DCDC1: variants seen among roughly 807,000 people sequenced by gnomAD.
The protein encoded by DCDC1 is doublecortin domain-containing protein 1.
DCDC1 carries 200 observed loss-of-function variants against 178.3 expected under a neutral mutation model. The ratio of observed to expected loss-of-function variants is 1.12; its 90% CI spans 1.00 to 1.26. DCDC1 has a LOEUF of 1.26. Ranked by LOEUF, DCDC1 falls within the 50% of genes most tolerant of loss-of-function variation. The pLI is 0.00. For synonymous variants in DCDC1, 690 were observed against 604.8 expected (o/e 1.14, Z -2.07); for missense variants, 1,983 against 1,749.2 (o/e 1.13, Z -2.38).
chr11:30,999,570 A>G (rs990999219), intron 20 of DCDC1, among the ~76,000 whole-genome samples: 1 of 152,160 alleles, frequency 6.6e-6, no homozygotes, highest in Non-Finnish European at 1.5e-5. Flanking sequence ...ACGTAATGCC[A>G]GCCTGGAAAT....
At chr11:31,215,205 G>A (rs903702689) in intron 9 of DCDC1, 10 of 251,032 alleles carry the variant, frequency 4.0e-5, no homozygotes, top group African/African-American at 2.3e-4. Context: ...TGAGGCAGGA[G>A]GATCCCTTGA....
chr11:31,324,123 T>C (rs1467134498), intron 3 of DCDC1, among the ~76,000 whole-genome samples: 5 of 152,084 alleles, frequency 3.3e-5, no homozygotes, highest in Non-Finnish European at 7.4e-5. Flanking sequence ...AACTCAATGA[T>C]TGAATAATAA....
intron 9 of DCDC1, among the ~76,000 whole-genome samples, chr11:31,150,095 G>T (rs942651390): frequency 6.6e-6 from 1 of 152,128 alleles, no homozygotes; most frequent in East Asian, 1.9e-4. Context: ...AACAGCTATC[G>T]TTTGTTGATT....
At position 30,894,322 on chromosome 11, in the gene DCDC1, C is replaced by A. The variant is rs376659024; in HGVS notation, c.4828G>T (p.Val1610Leu). The A allele has an allele frequency of 3.1e-6, 5 of 1,613,896 alleles. No individual in the cohort carries two copies. The highest frequency in any genetic ancestry group is 4.2e-6 in the Non-Finnish European group (5 of 1,179,832). ...MVPTKSPVQP[V>L]VVEGGWTEQT... is the part of the protein sequence containing the mutation. ...TCGGTCCAGCCTCCTTCAACCACCA[C>A]GGGCTGCACAGGGCTCTTGGTAGGA... Residue 1610 changes from valine to leucine, a missense_variant, in exon 35 of 39, where the codon GTG (valine) becomes TTG (leucine). Physicochemically the swap from Val to Leu is conservative, Grantham distance 32. Transcript: ENST00000684477.
chr11:31,354,218 G>A lies in DCDC1; in HGVS notation c.-125+15479C>T, dbSNP rs188420140. Among the ~76,000 whole-genome samples the A allele has an allele frequency of 6.9e-3, 1,055 of 152,184 alleles. 38 individuals carry two copies. Among genetic ancestry groups the A allele is most frequent in the Admixed American group, 0.066 (1,004 of 15,284 alleles). On this transcript the variant is annotated intron_variant, in intron 1 of 38. Transcript: ENST00000684477. ...GGAGAATCTCCTGAACCTGGGAGGC[G>A]GAGGTTGCAGTGAGCCGAGATCGCA...
At chr11:31,336,171 TGG>T (rs1565627769) in intron 1 of DCDC1, among the ~76,000 whole-genome samples, 17 of 152,228 alleles carry the variant, frequency 1.1e-4, no homozygotes, top group African/African-American at 3.9e-4. Context: ...AAAGGTAAAT[TGG>T]GAGTATGTGG....
intron 9 of DCDC1, among the ~76,000 whole-genome samples, chr11:31,219,043 C>T (rs1047736481): frequency 6.6e-6 from 1 of 151,988 alleles, no homozygotes; most frequent in African/African-American, 2.4e-5. Context: ...CCTGGAAGAA[C>T]GGAGCTCCGA....
chr11:30,979,757 T>C (rs1157615651), intron 20 of DCDC1, among the ~76,000 whole-genome samples: 2 of 152,192 alleles, frequency 1.3e-5, no homozygotes, highest in Non-Finnish European at 1.5e-5. Flanking sequence ...GAAAGTGACC[T>C]AGTTTGAACA....
chr11:30,876,874 G>T (rs987770902), intron 38 of DCDC1, among the ~76,000 whole-genome samples: 1 of 151,924 alleles, frequency 6.6e-6, no homozygotes. Context: ...AGTCCTCTTG[G>T]CTCCCTTTCC....
At chr11:30,967,879 C>T (rs1949532398) in intron 20 of DCDC1, among the ~76,000 whole-genome samples, 1 of 151,860 alleles carries the variant, frequency 6.6e-6, no homozygotes, top group Non-Finnish European at 1.5e-5. Flanking sequence ...CCCCAGAGGT[C>T]CCACATGAAA....
chr11:30,919,542 T>G (rs111413163), intron 25 of DCDC1, among the ~76,000 whole-genome samples: 2,194 of 152,300 alleles, frequency 0.014, 54 homozygotes, highest in African/African-American at 0.049. Context: ...ACTAAGAGGC[T>G]AGATGACACA....
chr11:30,905,816 C>T (rs1182136625), intron 30 of DCDC1, among the ~76,000 whole-genome samples: 1 of 152,134 alleles, frequency 6.6e-6, no homozygotes, highest in East Asian at 1.9e-4. Context: ...AGAGCTATTG[C>T]TTCTGTTGAT....
chr11:30,955,766 G>A (rs1466827348), intron 20 of DCDC1, among the ~76,000 whole-genome samples: 1 of 152,074 alleles, frequency 6.6e-6, no homozygotes, highest in Non-Finnish European at 1.5e-5. Flanking sequence ...AAGATTCATG[G>A]TCCAGCGTCA....
chr11:31,077,040 G>C (rs1956905221), intron 18 of DCDC1, among the ~76,000 whole-genome samples: 1 of 152,106 alleles, frequency 6.6e-6, no homozygotes, highest in African/African-American at 2.4e-5. Flanking sequence ...TTCACAGTGT[G>C]AATCTCTACA....
chr11:31,345,338 T>C (rs1194848021), intron 1 of DCDC1, among the ~76,000 whole-genome samples: 1 of 152,208 alleles, frequency 6.6e-6, no homozygotes, highest in Admixed American at 6.5e-5. Flanking sequence ...TTAAAATCTC[T>C]ATAGAATTCA....
chr11:30,995,384 C>G (rs1391617266), intron 20 of DCDC1, among the ~76,000 whole-genome samples: 1 of 152,076 alleles, frequency 6.6e-6, no homozygotes, highest in East Asian at 1.9e-4. Flanking sequence ...TCCCAGCAAA[C>G]TCTTTTGTAG....
intron 2 of DCDC1, among the ~76,000 whole-genome samples, chr11:31,332,813 T>C (rs951506752): frequency 3.9e-5 from 6 of 152,176 alleles, no homozygotes; most frequent in African/African-American, 1.4e-4. Context: ...ATGTGGTCAA[T>C]TTTGGAATAA....
chr11:31,133,085 T>C (rs1252511992), intron 10 of DCDC1, among the ~76,000 whole-genome samples: 3 of 152,180 alleles, frequency 2.0e-5, no homozygotes, highest in Non-Finnish European at 2.9e-5. Flanking sequence ...TTATAATCAG[T>C]CTTCAAAAGC....
intron 20 of DCDC1, among the ~76,000 whole-genome samples, chr11:31,039,394 G>C (rs1345348175): frequency 6.6e-6 from 1 of 152,128 alleles, no homozygotes; most frequent in African/African-American, 2.4e-5. Flanking sequence ...AAGAGGTCAT[G>C]CTCTAAGTTT....
Sources: allele counts gnomAD v4.1 joint callset (sites outside exome capture counted in the v4.1 genomes callset), GRCh38; gene constraint gnomAD v4.1.1; transcripts MANE v1.5; gene names NCBI Gene and HGNC (gene_info 2026-07-23, HGNC 2026-07-21).